LRMDA: variants seen among roughly 807,000 people sequenced by gnomAD.
The protein encoded by LRMDA is leucine rich melanocyte differentiation associated, also known as leucine-rich melanocyte differentiation-associated protein.
Under a neutral mutation model 29.8 loss-of-function variants are expected in LRMDA, and 18 were observed. That is an observed-to-expected ratio of 0.60 (90% CI 0.42 to 0.90). The LOEUF is 0.90. Among genes scored for constraint, LRMDA ranks in the 40% least tolerant of loss-of-function variants. The probability of loss-of-function intolerance (pLI) is 0.00; values close to 1 mark genes in which losing one functional copy is unlikely to be tolerated. For missense variants in LRMDA, 273 were observed against 273.9 expected, an observed-to-expected ratio of 1.00 and a Z score of 0.02; for synonymous variants, 125 against 109.4, an observed-to-expected ratio of 1.14 and a Z score of -0.89.
At chr10:75,594,993 C>A (rs530984310) in intron 2 of LRMDA, among the ~76,000 whole-genome samples, 2 of 152,154 alleles carry the variant, frequency 1.3e-5, no homozygotes, top group South Asian at 4.1e-4. Context: ...TTTCTCTTAT[C>A]AATTTTATAG....
chr10:75,437,124 A>G (rs969090198), intron 1 of LRMDA, among the ~76,000 whole-genome samples: 1 of 152,146 alleles, frequency 6.6e-6, no homozygotes, highest in African/African-American at 2.4e-5. Flanking sequence ...TCCTCATTGG[A>G]TAGGAGAAGG....
At chr10:75,878,485 C>G (rs1845238322) in intron 2 of LRMDA, among the ~76,000 whole-genome samples, 2 of 151,890 alleles carry the variant, frequency 1.3e-5, no homozygotes, top group Admixed American at 1.3e-4. Context: ...GTCATCCCGC[C>G]TCAAAGGCCT....
chr10:76,031,525 C>A (rs1848150261), intron 2 of LRMDA, among the ~76,000 whole-genome samples: 1 of 152,164 alleles, frequency 6.6e-6, no homozygotes. Context: ...CGAGCCCTCA[C>A]TGTACACTTA....
chr10:75,778,918 C>G lies in LRMDA; in HGVS notation c.132-257090C>G, dbSNP rs573084335. 3.9e-5 allele frequency among the ~76,000 whole-genome samples: 6 copies of G among 152,238 alleles called. No homozygotes were observed. The East Asian group carries it at 1.2e-3, about 29-fold the overall frequency. On this transcript the variant is annotated intron_variant, in intron 2 of 6. Coordinates refer to ENST00000611255, the MANE Select transcript of LRMDA (RefSeq NM_001305581.2). ...GGGATCCAAGTAGGAATAAATTGGC[C>G]TATTTGTAGGAATAAGGGAAGTTCA...
intron 2 of LRMDA, among the ~76,000 whole-genome samples, chr10:75,608,129 T>TACACAC (rs71477024): frequency 6.5e-4 from 58 of 89,368 alleles, no homozygotes; most frequent in Non-Finnish European, 6.8e-4. Context: ...TATATATATA[T>TACACAC]ACACACACAT....
intron 6 of LRMDA, among the ~76,000 whole-genome samples, chr10:76,507,680 GAGAT>G (rs1350992682): frequency 1.3e-5 from 2 of 152,056 alleles, no homozygotes; most frequent in Non-Finnish European, 2.9e-5. Context: ...TATGGGCTAA[GAGAT>G]AGGGGTCTAA....
intron 6 of LRMDA, among the ~76,000 whole-genome samples, chr10:76,490,544 C>T (rs1263464180): frequency 6.6e-6 from 1 of 151,906 alleles, no homozygotes; most frequent in South Asian, 2.1e-4. Flanking sequence ...TCTTCTTTGT[C>T]TCTTCCTATA....
chr10:75,731,184 A>G (rs1842692612), intron 2 of LRMDA, among the ~76,000 whole-genome samples: 1 of 152,244 alleles, frequency 6.6e-6, no homozygotes, highest in African/African-American at 2.4e-5. Flanking sequence ...TATTGGATTC[A>G]TATTTTTTAA....
At chr10:75,996,319 A>G (rs1847461109) in intron 2 of LRMDA, among the ~76,000 whole-genome samples, 1 of 152,142 alleles carries the variant, frequency 6.6e-6, no homozygotes, top group African/African-American at 2.4e-5. Context: ...GTTCATGGGG[A>G]GTTTTGAACG....
At chr10:75,714,611 G>A (rs1470153165) in intron 2 of LRMDA, among the ~76,000 whole-genome samples, 1 of 152,242 alleles carries the variant, frequency 6.6e-6, no homozygotes, top group Non-Finnish European at 1.5e-5. Flanking sequence ...CCGTTCCCCA[G>A]TTGGTGGCAG....
chr10:76,026,610 T>C (rs1404287961), intron 2 of LRMDA, among the ~76,000 whole-genome samples: 1 of 152,134 alleles, frequency 6.6e-6, no homozygotes, highest in Non-Finnish European at 1.5e-5. Context: ...TTCCCATAGT[T>C]AGGAAAATAT....
intron 2 of LRMDA, among the ~76,000 whole-genome samples, chr10:76,025,758 T>C (rs1238920704): frequency 6.6e-6 from 1 of 152,190 alleles, no homozygotes; most frequent in Non-Finnish European, 1.5e-5. Flanking sequence ...TAGAATTCAT[T>C]TGCATTGAGA....
chr10:75,530,954 A>G (rs1845470297), intron 2 of LRMDA, among the ~76,000 whole-genome samples: 1 of 152,136 alleles, frequency 6.6e-6, no homozygotes, highest in Non-Finnish European at 1.5e-5. Context: ...AGCAATCTCA[A>G]TGAGAATATT....
intron 2 of LRMDA, among the ~76,000 whole-genome samples, chr10:76,022,215 G>C (rs1458878782): frequency 6.6e-6 from 1 of 152,148 alleles, no homozygotes. Flanking sequence ...TGGAGGACAG[G>C]ATTGTACTCC....
At chr10:75,530,680 G>A (rs73275558) in intron 2 of LRMDA, among the ~76,000 whole-genome samples, 2,915 of 152,206 alleles carry the variant, frequency 0.019, 92 homozygotes, top group African/African-American at 0.067. Flanking sequence ...CTCCCACTAG[G>A]CCCTTGGTTT....
chr10:75,987,619 G>T (rs1847283276), intron 2 of LRMDA, among the ~76,000 whole-genome samples: 1 of 152,142 alleles, frequency 6.6e-6, no homozygotes, highest in Non-Finnish European at 1.5e-5. Context: ...TAAGAGCTGG[G>T]CACCTTCACC....
At chr10:76,154,087 G>A (rs567708690) in intron 5 of LRMDA, among the ~76,000 whole-genome samples, 61 of 152,282 alleles carry the variant, frequency 4.0e-4, no homozygotes, top group African/African-American at 1.3e-3. Flanking sequence ...CAGATCTGTC[G>A]TACTTGACCC....
At chr10:76,269,199 AG>A (rs1482964849) in intron 5 of LRMDA, among the ~76,000 whole-genome samples, 1 of 152,120 alleles carries the variant, frequency 6.6e-6, no homozygotes, top group Non-Finnish European at 1.5e-5. Context: ...GATGTGCTGC[AG>A]GTTATTATGC....
intron 5 of LRMDA, among the ~76,000 whole-genome samples, chr10:76,203,214 A>G (rs975839281): frequency 1.3e-5 from 2 of 152,224 alleles, no homozygotes; most frequent in East Asian, 3.8e-4. Flanking sequence ...TGTGAGTTCA[A>G]CAACTTGAAC....
Sources: allele counts gnomAD v4.1 joint callset (sites outside exome capture counted in the v4.1 genomes callset), GRCh38; gene constraint gnomAD v4.1.1; transcripts MANE v1.5; gene names NCBI Gene and HGNC (gene_info 2026-07-23, HGNC 2026-07-21).